SLCO3A1: variants seen among roughly 807,000 people sequenced by gnomAD.
SLCO3A1 encodes PGE1 transporter.
Under a neutral mutation model 63.1 loss-of-function variants are expected in SLCO3A1, and 27 were observed. That is an observed-to-expected ratio of 0.43 (90% CI 0.32 to 0.59). SLCO3A1 has a LOEUF of 0.59. Ranked by LOEUF, SLCO3A1 falls within the 20% of genes least tolerant of loss-of-function variation. The pLI, the probability that SLCO3A1 is intolerant of heterozygous loss-of-function variation, is 0.09. For missense variants in SLCO3A1, 773 were observed against 945.8 expected (o/e 0.82, Z 2.40); for synonymous variants, 473 against 409.9 (o/e 1.15, Z -1.86).
chr15:91,946,791 G>C (rs1320420689), intron 2 of SLCO3A1, among the ~76,000 whole-genome samples: 2 of 152,190 alleles, frequency 1.3e-5, no homozygotes, highest in Non-Finnish European at 2.9e-5. Flanking sequence ...AAAGGCCAAG[G>C]GGTAAGAGCA....
At chr15:92,003,139 C>G (rs539843534) in intron 2 of SLCO3A1, among the ~76,000 whole-genome samples, 5 of 152,330 alleles carry the variant, frequency 3.3e-5, no homozygotes, top group South Asian at 4.1e-4. Flanking sequence ...TCCCCCAGCT[C>G]TGCTCTGAAA....
intron 8 of SLCO3A1, 133 bp downstream of exon 8, chr15:92,147,292 C>A (rs1391569058): frequency 6.2e-6 from 5 of 802,116 alleles, no homozygotes; most frequent in Non-Finnish European, 9.8e-6. Flanking sequence ...AGGAGCGCAG[C>A]TTCTCTAGGC....
chr15:92,018,525 G>A (rs576638990), intron 2 of SLCO3A1, among the ~76,000 whole-genome samples: 4 of 152,300 alleles, frequency 2.6e-5, no homozygotes, highest in South Asian at 2.1e-4. Context: ...CTTCTCTTCC[G>A]CAGGGATTGG....
At chr15:91,946,554 A>G (rs1899813959) in intron 2 of SLCO3A1, among the ~76,000 whole-genome samples, 1 of 152,242 alleles carries the variant, frequency 6.6e-6, no homozygotes, top group African/African-American at 2.4e-5. Context: ...CCCAAATATT[A>G]GGTAGTGGTC....
At chr15:91,991,060 G>C (rs1003032575) in intron 2 of SLCO3A1, among the ~76,000 whole-genome samples, 9 of 151,982 alleles carry the variant, frequency 5.9e-5, no homozygotes, top group Admixed American at 5.9e-4. Flanking sequence ...AGAATGCAGG[G>C]TATGTTTGTT....
In SLCO3A1 at chr15:92,162,834, A is replaced by G. The variant is rs199888371; in HGVS notation, c.1832A>G (p.Gln611Arg). ...TTCTGGAGCACGTTCTGTGGGGAGC[A>G]AGGCGCCTGCGTCCTCTACGACAAT... Reference protein sequence around the residue: ...CLFWSTFCGEQGACVLYDNVV... With the variant: ...CLFWSTFCGERGACVLYDNVV... The change falls in exon 10 of 10, where the codon CAA becomes CGA. Residue 611 changes from glutamine to arginine, a missense_variant. By Grantham distance (43) the Gln-to-Arg change is conservative (BLOSUM62 1). Around this residue, in one of 3 missense-constraint regions of SLCO3A1, gnomAD observed 139 missense variants for 131.4 expected, o/e 1.06. Transcript: ENST00000318445. 7.9e-5 allele frequency: 128 copies of G among 1,614,058 alleles called. No individual in the cohort carries two copies. The highest frequency in any genetic ancestry group is 1.6e-4 in the Middle Eastern group (1 of 6,084).
In SLCO3A1 at chr15:91,872,616, T is replaced by G. The variant is rs1897307590; in HGVS notation, c.180+18528T>G. ...CACAGCTAGTGTTTGATCTTGAGTC[T>G]CTTGGTTCCAGCTCTAAATTCCCTT... On this transcript the variant is annotated intron_variant, in intron 1 of 9. Coordinates refer to ENST00000318445, the MANE Select transcript of SLCO3A1 (RefSeq NM_013272.4). This position sits in a 1 kb window ranked among gnomAD's most constrained non-coding sequence, Gnocchi z 4.1. Among the ~76,000 whole-genome samples, 1 of 152,148 alleles carries G rather than the reference T, an allele frequency of 6.6e-6. No individual in the cohort carries two copies.
chr15:91,938,379 A>G (rs1054153401), intron 2 of SLCO3A1, among the ~76,000 whole-genome samples: 1 of 152,042 alleles, frequency 6.6e-6, no homozygotes, highest in African/African-American at 2.4e-5. Flanking sequence ...AAGTGATGAG[A>G]CGAAATGGCA....
rs774341513 is a variant in SLCO3A1 at position 92,126,159 on chromosome 15, A to G, written c.1273A>G (p.Met425Val). The part of the protein sequence containing the change: ...LSALGAIRMA[M>V]LVNLVSTACY... ...TGCCCTGGGGGCCATTCGGATGGCC[A>G]TGCTCGTCAACCTGGTGTCCACTGC... The change falls in exon 6 of 10, where the codon ATG becomes GTG. Residue 425 changes from methionine (M) to valine (V), a missense_variant. By Grantham distance (21) the Met-to-Val change is conservative. This residue lies in a region of SLCO3A1 where 565 missense variants were observed against 749.8 expected (regional missense o/e 0.75). Transcript: ENST00000318445. 2 of 1,613,888 alleles carry G rather than the reference A, an allele frequency of 1.2e-6. No homozygotes were observed. The highest frequency in any genetic ancestry group is 1.7e-5 in the Admixed American group (1 of 60,002).
At chr15:92,056,963 A>G (rs527726300) in intron 2 of SLCO3A1, among the ~76,000 whole-genome samples, 57 of 152,362 alleles carry the variant, frequency 3.7e-4, no homozygotes, top group African/African-American at 1.4e-3. Flanking sequence ...AAAGACAAAC[A>G]TCATGTCAGT....
chr15:92,102,365 T>C (rs751349764), intron 3 of SLCO3A1, among the ~76,000 whole-genome samples: 2 of 152,206 alleles, frequency 1.3e-5, no homozygotes, highest in Non-Finnish European at 2.9e-5. Context: ...GATTCTCATT[T>C]ATATACATAT....
chr15:91,972,753 G>A (rs1438529660), intron 2 of SLCO3A1, among the ~76,000 whole-genome samples: 1 of 152,186 alleles, frequency 6.6e-6, no homozygotes, highest in Non-Finnish European at 1.5e-5. Flanking sequence ...GGCCTCTGGT[G>A]TGGTTCCTGG....
intron 1 of SLCO3A1, among the ~76,000 whole-genome samples, chr15:91,893,447 CT>C: frequency 6.6e-6 from 1 of 152,268 alleles, no homozygotes; most frequent in South Asian, 2.1e-4. Context: ...TGGTAAGGGC[CT>C]GCTTTCTGGT....
intron 7 of SLCO3A1, among the ~76,000 whole-genome samples, chr15:92,145,294 G>C (rs985446614): frequency 1.3e-5 from 2 of 152,228 alleles, no homozygotes; most frequent in African/African-American, 4.8e-5. Flanking sequence ...TGCTGGGGAG[G>C]AGTGGGCAGT....
chr15:92,063,750 T>C (rs557534763), intron 2 of SLCO3A1, among the ~76,000 whole-genome samples: 218 of 152,228 alleles, frequency 1.4e-3, no homozygotes, highest in African/African-American at 4.9e-3. Context: ...CTCAGGAGGC[T>C]GAGACAGGAG....
chr15:91,951,493 A>G (rs1341556882), intron 2 of SLCO3A1, among the ~76,000 whole-genome samples: 2 of 151,622 alleles, frequency 1.3e-5, no homozygotes, highest in African/African-American at 4.8e-5. Context: ...TTTTTGGCTA[A>G]TATGAATAAG....
chr15:91,939,627 A>G (rs1211614578), intron 2 of SLCO3A1, among the ~76,000 whole-genome samples: 1 of 152,134 alleles, frequency 6.6e-6, no homozygotes, highest in Non-Finnish European at 1.5e-5. Context: ...TGGGTCCTGC[A>G]TGAAGGTCAG....
Position 92,000,097 on chromosome 15 carries a change from G to A in SLCO3A1, c.646+83639G>A, listed in dbSNP as rs1184692634. Among the ~76,000 whole-genome samples the A allele has an allele frequency of 2.6e-5, 4 of 152,202 alleles. No homozygotes were observed. The East Asian group carries it at 7.7e-4, about 29-fold the overall frequency. On this transcript the variant is annotated intron_variant, in intron 2 of 9. Coordinates refer to ENST00000318445, the MANE Select transcript of SLCO3A1 (RefSeq NM_013272.4). Reference sequence around the variant, plus strand: ...CAGATAAAAGTCTCAGCTAAGTAATGTTCCTTTTGTGTAACATTTTTTAAA... The same window carrying A: ...CAGATAAAAGTCTCAGCTAAGTAATATTCCTTTTGTGTAACATTTTTTAAA...
chr15:91,980,248 A>C (rs12439826), intron 2 of SLCO3A1, among the ~76,000 whole-genome samples: 58,795 of 151,634 alleles, frequency 0.39, 11,659 homozygotes, highest in African/African-American at 0.46. Flanking sequence ...CAAGGGACAT[A>C]CATTCATTGG....
Sources: allele counts gnomAD v4.1 joint callset (sites outside exome capture counted in the v4.1 genomes callset), GRCh38; gene constraint gnomAD v4.1.1; regional missense constraint gnomAD v4.1.1; non-coding constraint Gnocchi (gnomAD v3.1); transcripts MANE v1.5; gene names NCBI Gene and HGNC (gene_info 2026-07-23, HGNC 2026-07-21).